The following FSHR variants were observed in gnomAD, a reference collection of about 807,000 sequenced individuals.
FSHR encodes follicle stimulating hormone receptor, also known as follicle-stimulating hormone receptor.
A neutral mutation model predicts 52.1 loss-of-function variants in FSHR; 46 were observed. The observed-to-expected ratio is 0.88, with a 90% CI of 0.70 to 1.13. The LOEUF (loss-of-function observed/expected upper bound fraction) is 1.13. Ranked by LOEUF, FSHR falls within the 50% of genes most tolerant of loss-of-function variation. The probability of loss-of-function intolerance (pLI) is 0.00; values close to 1 mark genes in which losing one functional copy is unlikely to be tolerated. For missense variants in FSHR, 964 were observed against 834.6 expected, an observed-to-expected ratio of 1.16 and a Z score of -1.91; for synonymous variants, 399 against 309.6, an observed-to-expected ratio of 1.29 and a Z score of -3.03.
At chr2:49,077,616 A>G (rs1168737826) in intron 1 of FSHR, among the ~76,000 whole-genome samples, 2 of 152,116 alleles carry the variant, frequency 1.3e-5, no homozygotes, top group South Asian at 4.1e-4. Flanking sequence ...TTTCTTTTCT[A>G]TTGCATTGTC....
At chr2:48,968,617 T>C in intron 9 of FSHR, 81 bp downstream of exon 9, 1 of 1,517,310 alleles carries the variant, frequency 6.6e-7, no homozygotes, top group Non-Finnish European at 9.1e-7. Context: ...TAGATTCTCT[T>C]CATGTCACAG....
intron 2 of FSHR, among the ~76,000 whole-genome samples, chr2:49,021,067 A>G (rs913782182): frequency 6.6e-6 from 1 of 152,360 alleles, no homozygotes; most frequent in African/African-American, 2.4e-5. Flanking sequence ...ACAAACCTGC[A>G]CATCCTGCAC....
At chr2:49,080,508 G>GA (rs1670129587) in intron 1 of FSHR, among the ~76,000 whole-genome samples, 2 of 152,030 alleles carry the variant, frequency 1.3e-5, no homozygotes, top group African/African-American at 4.8e-5. Context: ...ATTTTAAAAT[G>GA]AAAAAAGGAG....
chr2:48,963,910 A>T lies in FSHR; in HGVS notation c.911T>A (p.Met304Lys). The T allele has an allele frequency of 6.2e-7, 1 of 1,614,068 alleles. No homozygotes were observed. ...GGATCTCTGACCCCTAGCCTGAGTC[A>T]TATAATCAACTTCTTGCCTTAAAAT... Reference protein sequence around the residue: ...KSILRQEVDYMTQARGQRSSL... With the variant: ...KSILRQEVDYKTQARGQRSSL... The change falls in exon 10 of 10, where the codon ATG becomes AAG. Residue 304 changes from methionine (M) to lysine (K), a missense_variant. Met to Lys is a moderately conservative substitution (Grantham distance 95). Coordinates refer to ENST00000406846, the MANE Select transcript of FSHR (RefSeq NM_000145.4).
At chr2:49,069,029 T>C (rs1233751522) in intron 1 of FSHR, among the ~76,000 whole-genome samples, 1 of 152,102 alleles carries the variant, frequency 6.6e-6, no homozygotes, top group Non-Finnish European at 1.5e-5. Flanking sequence ...CTCAGCTGAC[T>C]TCAGCTTTTG....
intron 1 of FSHR, among the ~76,000 whole-genome samples, chr2:49,080,067 A>T (rs1388783832): frequency 6.6e-6 from 1 of 152,192 alleles, no homozygotes; most frequent in East Asian, 1.9e-4. Context: ...ATAGAAGATA[A>T]AATGCAAACG....
chr2:48,982,790 C>G (rs1019703007), intron 8 of FSHR, 122 bp downstream of exon 8: 1 of 849,898 alleles, frequency 1.2e-6, no homozygotes, highest in Non-Finnish European at 2.0e-6. Context: ...GCAGATGACA[C>G]GAATAAAAAT....
intron 2 of FSHR, among the ~76,000 whole-genome samples, chr2:49,066,267 A>C (rs1413341649): frequency 6.6e-6 from 1 of 152,100 alleles, no homozygotes; most frequent in East Asian, 1.9e-4. Flanking sequence ...TGCAGAATGA[A>C]TGAAAAGGAC....
At chr2:49,135,437 A>ACCC in intron 1 of FSHR, among the ~76,000 whole-genome samples, 1 of 152,320 alleles carries the variant, frequency 6.6e-6, no homozygotes, top group Admixed American at 6.5e-5. Context: ...GACATAACAT[A>ACCC]CTAAACTTAT....
chr2:49,042,850 T>G (rs183812430), intron 2 of FSHR, among the ~76,000 whole-genome samples: 166 of 152,264 alleles, frequency 1.1e-3, no homozygotes, highest in African/African-American at 3.9e-3. Flanking sequence ...TTCATATAAA[T>G]AGAGGATTGC....
chr2:49,134,578 G>A (rs1240782843), intron 1 of FSHR, among the ~76,000 whole-genome samples: 1 of 152,120 alleles, frequency 6.6e-6, no homozygotes, highest in Non-Finnish European at 1.5e-5. Context: ...TATACCCAAA[G>A]GATTATAAAT....
Position 48,963,689 on chromosome 2 carries a change from T to A in FSHR, c.1132A>T (p.Thr378Ser). Residue 378 changes from threonine to serine, a missense_variant, in exon 10 of 10, where the codon ACT becomes TCT. By Grantham distance (58) the Thr-to-Ser change is moderately conservative. Coordinates refer to ENST00000406846, the MANE Select transcript of FSHR (RefSeq NM_000145.4). ...ATCACTAGCACTATGATGTTCCCAG[T>A]GATGGCCAGGATGCTGATAAACCAT... ...LIWFISILAI[T>S]GNIIVLVILT... 6.2e-7 allele frequency: 1 copy of A among 1,614,130 alleles called. No individual in the cohort carries two copies. The highest frequency in any genetic ancestry group is 8.5e-7 in the Non-Finnish European group (1 of 1,180,004).
chr2:48,998,974 G>A (rs1183121685), intron 4 of FSHR, among the ~76,000 whole-genome samples: 1 of 151,970 alleles, frequency 6.6e-6, no homozygotes, highest in East Asian at 1.9e-4. Flanking sequence ...AGTCATATGT[G>A]TATCTACTTT....
chr2:49,046,172 G>A (rs1197163185), intron 2 of FSHR, among the ~76,000 whole-genome samples: 1 of 152,170 alleles, frequency 6.6e-6, no homozygotes, highest in Non-Finnish European at 1.5e-5. Flanking sequence ...AGGGGTATAT[G>A]AGGCATTTTG....
At chr2:49,094,630 A>G (rs1254601811) in intron 1 of FSHR, among the ~76,000 whole-genome samples, 3 of 152,156 alleles carry the variant, frequency 2.0e-5, no homozygotes, top group Non-Finnish European at 4.4e-5. Context: ...ATGAATGGAA[A>G]CAAAAACACA....
intron 4 of FSHR, among the ~76,000 whole-genome samples, chr2:48,993,610 A>G (rs745853123): frequency 2.4e-4 from 37 of 152,142 alleles, no homozygotes; most frequent in Middle Eastern, 3.2e-3. Flanking sequence ...TGTAAATCAG[A>G]TTGTTTTACT....
chr2:48,993,365 T>G (rs1031596839), intron 4 of FSHR, among the ~76,000 whole-genome samples: 1 of 152,212 alleles, frequency 6.6e-6, no homozygotes, highest in Non-Finnish European at 1.5e-5. Context: ...TTGCTATCCA[T>G]CAATTTTAAT....
chr2:49,015,457 G>T (rs556592211), intron 4 of FSHR, among the ~76,000 whole-genome samples: 11 of 152,070 alleles, frequency 7.2e-5, no homozygotes, highest in Non-Finnish European at 1.0e-4. Flanking sequence ...CTTCGTATTT[G>T]ACAAAATATT....
chr2:49,125,567 C>T (rs1325894154), intron 1 of FSHR, among the ~76,000 whole-genome samples: 1 of 152,218 alleles, frequency 6.6e-6, no homozygotes, highest in East Asian at 1.9e-4. Context: ...GCATCTCCAG[C>T]ATATAGAGCA....
Sources: allele counts gnomAD v4.1 joint callset (sites outside exome capture counted in the v4.1 genomes callset), GRCh38; gene constraint gnomAD v4.1.1; transcripts MANE v1.5; gene names NCBI Gene and HGNC (gene_info 2026-07-23, HGNC 2026-07-21).